NANOS2: variants seen among roughly 807,000 people sequenced by gnomAD.
The protein encoded by NANOS2 is nanos homolog 2.
NANOS2 carries 3 observed loss-of-function variants against 6.4 expected under a neutral mutation model. That is an observed-to-expected ratio of 0.47 (90% CI 0.22 to 1.22). The LOEUF is 1.22. NANOS2 is among the 50% of genes most tolerant of loss of function. The pLI is 0.22. For synonymous variants in NANOS2, 86 were observed against 85.6 expected (o/e 1.00, Z -0.03); for missense variants, 177 against 191.0 (o/e 0.93, Z 0.43).
rs994188700 is a variant in NANOS2, at chr19:45,913,353, C to T, written c.*924G>A. ...CCCTAAAATAAAAGCTAGGCCATTG[C>T]CATTCCCATCCGGGTACTCAAACCC... On this transcript the variant is annotated 3_prime_UTR_variant, in exon 1 of 1. Coordinates refer to ENST00000341294, the MANE Select transcript of NANOS2 (RefSeq NM_001029861.3). 2.0e-5 allele frequency: 3 copies of T among 152,198 alleles called. No individual in the cohort carries two copies. Among genetic ancestry groups the T allele is most frequent in the African/African-American group, 7.2e-5 (3 of 41,450 alleles). The allele number at this position is 152,198 out of a possible 1,614,324, so 9.4% of individuals were successfully genotyped here.
rs1346703405 is a variant in NANOS2, at chr19:45,914,300, C to T, written c.394G>A (p.Ala132Thr). 6.2e-7 allele frequency: 1 copy of T among 1,613,150 alleles called. No homozygotes were observed. Among genetic ancestry groups the T allele is most frequent in the South Asian group, 1.1e-5 (1 of 91,000 alleles). ...SLYRRSGRNS[A>T]GRRVKR ...GCTCAGCGCTTGACCCTGCGTCCGG[C>T]CGAGTTGCGCCCGCTGCGGCGGTAG... The change falls in exon 1 of 1, where the codon GCC becomes ACC. Residue 132 changes from alanine (A) to threonine (T), a missense_variant. By Grantham distance (58) the Ala-to-Thr change is moderately conservative (BLOSUM62 0). Transcript: ENST00000341294.
chr19:45,914,513 T>G lies in NANOS2; in HGVS notation c.181A>C (p.Thr61Pro). Residue 61 changes from threonine (T) to proline (P), a missense_variant, in exon 1 of 1, where the codon ACC becomes CCC. Physicochemically the swap from Thr to Pro is conservative, Grantham distance 38. Coordinates refer to ENST00000341294, the MANE Select transcript of NANOS2 (RefSeq NM_001029861.3). ...TTGTGCTTGCAGAAGTTGCACAGGG[T>G]CCCCAGGCCCCCGTTGGCCCCTGGC... ...GAPGANGGLGTLCNFCKHNGE... is the reference protein window; with the variant it reads ...GAPGANGGLGPLCNFCKHNGE... 1.2e-6 allele frequency: 2 copies of G among 1,613,946 alleles called. No homozygotes were observed. The highest frequency in any genetic ancestry group is 1.7e-6 in the Non-Finnish European group (2 of 1,179,934).
In NANOS2 at chr19:45,914,632, G is replaced by A. The variant is rs771133962; in HGVS notation, c.62C>T (p.Ala21Val). ...DYFNLSQVVWALIASRGQRLE... is the reference protein window; with the variant it reads ...DYFNLSQVVWVLIASRGQRLE... ...CCTTTGACCCCGACTTGCGATCAGC[G>A]CCCACACCACCTGGCTCAGGTTGAA... Residue 21 changes from alanine (A) to valine (V), a missense_variant, in exon 1 of 1, where the codon GCG becomes GTG. Ala to Val is a moderately conservative substitution (Grantham distance 64). Transcript: ENST00000341294. The A allele has an allele frequency of 2.4e-5, 38 of 1,614,062 alleles. No homozygotes were observed. The highest frequency in any genetic ancestry group is 2.7e-5 in the Non-Finnish European group (32 of 1,180,030).
At position 45,913,878 on chromosome 19, in the gene NANOS2, G is replaced by C. The variant is rs1456889750; in HGVS notation, c.*399C>G. On this transcript the variant is annotated 3_prime_UTR_variant, in exon 1 of 1. Transcript: ENST00000341294. ...TCAGTATCTCCTAAGGGCTGGCTTG[G>C]GACAGCACCGTGGAATCCTGGAGGT... 9.4e-6 allele frequency: 2 copies of C among 211,788 alleles called. No homozygotes were observed. The highest frequency in any genetic ancestry group is 1.0e-4 in the Admixed American group (2 of 19,476). 13.1% of individuals were successfully genotyped at this position (211,788 alleles called of 1,614,324 possible).
chr19:45,914,187 AGGGCTGG>A lies in NANOS2; in HGVS notation c.*83_*89del. 1.5e-6 allele frequency: 2 copies of A among 1,303,826 alleles called. No individual in the cohort carries two copies. The highest frequency in any genetic ancestry group is 2.1e-6 in the Non-Finnish European group (2 of 961,518). The allele number at this position is 1,303,826 out of a possible 1,614,324, so 80.8% of individuals were successfully genotyped here. ...GAGTTCTGGGGGCCAGAAATTCCAA[AGGGCTGG>A]GTGACTGGAAGAGAGAGTTTAGGGA... On this transcript the variant is annotated 3_prime_UTR_variant, in exon 1 of 1. Coordinates refer to ENST00000341294, the MANE Select transcript of NANOS2 (RefSeq NM_001029861.3).
chr19:45,913,870 C>T lies in NANOS2; in HGVS notation c.*407G>A, dbSNP rs1967439862. 1.0e-5 allele frequency: 2 copies of T among 191,116 alleles called. No homozygotes were observed. The highest frequency in any genetic ancestry group is 2.2e-5 in the Non-Finnish European group (2 of 92,054). 11.8% of individuals were successfully genotyped at this position (191,116 alleles called of 1,614,324 possible). On this transcript the variant is annotated 3_prime_UTR_variant, in exon 1 of 1. Coordinates refer to ENST00000341294, the MANE Select transcript of NANOS2 (RefSeq NM_001029861.3). ...AGCCTTGTTCAGTATCTCCTAAGGGCTGGCTTGGGACAGCACCGTGGAATC... is the reference window on the plus strand; with the variant it reads ...AGCCTTGTTCAGTATCTCCTAAGGGTTGGCTTGGGACAGCACCGTGGAATC...
Position 45,914,117 on chromosome 19 carries a change from C to G in NANOS2, c.*160G>C, listed in dbSNP as rs888695431. On this transcript the variant is annotated 3_prime_UTR_variant, in exon 1 of 1. Transcript: ENST00000341294. ...GACAGGTCCAAGGGGGCGGGGCTGGCCTGGCTCCCAGCAGCCTCCACTGTT... is the reference window on the plus strand; with the variant it reads ...GACAGGTCCAAGGGGGCGGGGCTGGGCTGGCTCCCAGCAGCCTCCACTGTT... 8 of 753,898 alleles carry G rather than the reference C, an allele frequency of 1.1e-5. No individual in the cohort carries two copies. The highest frequency in any genetic ancestry group is 3.5e-5 in the African/African-American group (2 of 56,716). 46.7% of individuals were successfully genotyped at this position (753,898 alleles called of 1,614,324 possible).
Position 45,914,092 on chromosome 19 carries a change from G to T in NANOS2, c.*185C>A. 1 of 649,618 alleles carries T rather than the reference G, an allele frequency of 1.5e-6. No individual in the cohort carries two copies. The highest frequency in any genetic ancestry group is 2.7e-5 in the East Asian group (1 of 36,422). 40.2% of individuals were successfully genotyped at this position (649,618 alleles called of 1,614,324 possible). On this transcript the variant is annotated 3_prime_UTR_variant, in exon 1 of 1. Coordinates refer to ENST00000341294, the MANE Select transcript of NANOS2 (RefSeq NM_001029861.3). Reference sequence around the variant, plus strand: ...CCCACAGGCCAGAGCTCCGAGGGCTGACAGGTCCAAGGGGGCGGGGCTGGC... The same window carrying T: ...CCCACAGGCCAGAGCTCCGAGGGCTTACAGGTCCAAGGGGGCGGGGCTGGC...
Position 45,914,415 on chromosome 19 carries a change from C to T in NANOS2, c.279G>A (p.Leu93=), listed in dbSNP as rs533467131. 6.2e-7 allele frequency: 1 copy of T among 1,614,202 alleles called. No homozygotes were observed. Among genetic ancestry groups the T allele is most frequent in the South Asian group, 1.1e-5 (1 of 91,092 alleles). ...CGCACACGGGACACACGTAGTGCCT[C>T]AGGATGGGACACACCACCACGCCAT... The part of the protein sequence containing the change: ...TPDGVVVCPI[L]RHYVCPVCGA... The change falls in exon 1 of 1, where the codon CTG becomes CTA. Residue 93 remains leucine, a synonymous_variant. Transcript: ENST00000341294.
chr19:45,914,256 G>A lies in NANOS2; in HGVS notation c.*21C>T. 1.9e-6 allele frequency: 3 copies of A among 1,595,980 alleles called. No individual in the cohort carries two copies. Among genetic ancestry groups the A allele is most frequent in the Non-Finnish European group, 2.6e-6 (3 of 1,169,596 alleles). On this transcript the variant is annotated 3_prime_UTR_variant, in exon 1 of 1. Transcript: ENST00000341294. ...TGGACCAGGAGGGTCAGGGGTGCGG[G>A]TGGTGAGCATCTCACGATGCTCAGC... is the stretch of plus-strand genomic sequence containing the variant.
rs1967443176 is a variant in NANOS2 at position 45,914,190 on chromosome 19, GC to G, written c.*86del. The G allele has an allele frequency of 7.6e-6, 10 of 1,322,508 alleles. No individual in the cohort carries two copies. The highest frequency in any genetic ancestry group is 9.3e-6 in the Non-Finnish European group (9 of 971,462). The allele number at this position is 1,322,508 out of a possible 1,614,324, so 81.9% of individuals were successfully genotyped here. ...TTCTGGGGGCCAGAAATTCCAAAGG[GC>G]TGGGTGACTGGAAGAGAGAGTTTAG... On this transcript the variant is annotated 3_prime_UTR_variant, in exon 1 of 1. Transcript: ENST00000341294.
At position 45,914,442 on chromosome 19, in the gene NANOS2, C is replaced by T. The variant is rs772441717; in HGVS notation, c.252G>A (p.Pro84=). The change falls in exon 1 of 1, where the codon CCG becomes CCA. Residue 84 remains proline, a synonymous_variant. Coordinates refer to ENST00000341294, the MANE Select transcript of NANOS2 (RefSeq NM_001029861.3). ...HVYSSHQLKT[P]DGVVVCPILR... Reference sequence around the variant, plus strand: ...GGATGGGACACACCACCACGCCATCCGGTGTCTTCAGCTGGTGTGAGGAGT... The same window carrying T: ...GGATGGGACACACCACCACGCCATCTGGTGTCTTCAGCTGGTGTGAGGAGT... The T allele has an allele frequency of 1.1e-5, 18 of 1,614,054 alleles. No homozygotes were observed. Among genetic ancestry groups the T allele is most frequent in the Non-Finnish European group, 1.5e-5 (18 of 1,180,018 alleles).
chr19:45,914,641 A>G lies in NANOS2; in HGVS notation c.53T>C (p.Val18Ala), dbSNP rs1967451195. ...CCGACTTGCGATCAGCGCCCACACC[A>G]CCTGGCTCAGGTTGAAGTAGTCCTT... is the stretch of plus-strand genomic sequence containing the variant. ...MWKDYFNLSQVVWALIASRGQ... is the reference protein window; with the variant it reads ...MWKDYFNLSQAVWALIASRGQ... Residue 18 changes from valine (V) to alanine (A), a missense_variant, in exon 1 of 1, where the codon GTG (valine) becomes GCG (alanine). Physicochemically the swap from Val to Ala is moderately conservative, Grantham distance 64. Transcript: ENST00000341294. The G allele has an allele frequency of 3.1e-6, 5 of 1,614,088 alleles. No individual in the cohort carries two copies. The East Asian group carries it at 1.1e-4, about 36-fold the overall frequency.
Position 45,913,997 on chromosome 19 carries a change from C to T in NANOS2, c.*280G>A. The T allele has an allele frequency of 2.2e-6, 1 of 456,578 alleles. No homozygotes were observed. The highest frequency in any genetic ancestry group is 3.4e-5 in the East Asian group (1 of 29,622). 28.3% of individuals were successfully genotyped at this position (456,578 alleles called of 1,614,324 possible). On this transcript the variant is annotated 3_prime_UTR_variant, in exon 1 of 1. Coordinates refer to ENST00000341294, the MANE Select transcript of NANOS2 (RefSeq NM_001029861.3). ...CCACGAGGACAAAAGATCCATGAAC[C>T]GGGGCCCAGAGGGCGCTACAGGGCC...
At position 45,914,352 on chromosome 19, in the gene NANOS2, G is replaced by A. The variant is rs746290037; in HGVS notation, c.342C>T (p.Cys114=). 2.4e-5 allele frequency: 38 copies of A among 1,613,892 alleles called. No homozygotes were observed. In the East Asian group the frequency reaches 8.0e-4, roughly 34 times the overall value. The change falls in exon 1 of 1, where the codon TGC becomes TGT. Residue 114 remains cysteine (C), a synonymous_variant. Coordinates refer to ENST00000341294, the MANE Select transcript of NANOS2 (RefSeq NM_001029861.3). ...TGDQAHTLKY[C]PLNGGQQSLY... is the part of the protein sequence containing the mutation. ...GGGACTGCTGGCCACCGTTAAGCGG[G>A]CAGTACTTGAGCGTATGGGCCTGGT...
At position 45,914,235 on chromosome 19, in the gene NANOS2, C is replaced by A; in HGVS notation, c.*42G>T. 1 of 1,563,678 alleles carries A rather than the reference C, an allele frequency of 6.4e-7. No individual in the cohort carries two copies. The highest frequency in any genetic ancestry group is 1.2e-5 in the South Asian group (1 of 83,886). On this transcript the variant is annotated 3_prime_UTR_variant, in exon 1 of 1. Coordinates refer to ENST00000341294, the MANE Select transcript of NANOS2 (RefSeq NM_001029861.3). ...AGTTTAGGGACTTGGGTGGGATGGA[C>A]CAGGAGGGTCAGGGGTGCGGGTGGT...
Position 45,914,711 on chromosome 19 carries a change from G to C in NANOS2, c.-18C>G. ...AGCTGCATGGCACCAAAGCAGGGGT[G>C]GTGGGCCACAGGAGAGGGGCTGGGG... On this transcript the variant is annotated 5_prime_UTR_variant, in exon 1 of 1. Coordinates refer to ENST00000341294, the MANE Select transcript of NANOS2 (RefSeq NM_001029861.3). The C allele has an allele frequency of 1.3e-6, 2 of 1,596,048 alleles. No individual in the cohort carries two copies. The highest frequency in any genetic ancestry group is 1.7e-6 in the Non-Finnish European group (2 of 1,169,298).
In NANOS2 at chr19:45,914,549, C is replaced by G. The variant is rs760458885; in HGVS notation, c.145G>C (p.Gly49Arg). 6.2e-7 allele frequency: 1 copy of G among 1,614,178 alleles called. No homozygotes were observed. The highest frequency in any genetic ancestry group is 2.2e-5 in the East Asian group (1 of 44,878). Residue 49 changes from glycine to arginine, a missense_variant, in exon 1 of 1, where the codon GGG becomes CGG. Transcript: ENST00000341294. ...CCGTTGGCCCCTGGCGCCCCCAGCCCCTGATCCTGCCCCAGCGGAGGCCCG... is the reference window on the plus strand; with the variant it reads ...CCGTTGGCCCCTGGCGCCCCCAGCCGCTGATCCTGCCCCAGCGGAGGCCCG... ...SPGPPLGQDQ[G>R]LGAPGANGGL...
chr19:45,914,225 G>A lies in NANOS2; in HGVS notation c.*52C>T. The A allele has an allele frequency of 6.6e-7, 1 of 1,522,586 alleles. No individual in the cohort carries two copies. Among genetic ancestry groups the A allele is most frequent in the Admixed American group, 1.9e-5 (1 of 52,430 alleles). 94.3% of individuals were successfully genotyped at this position (1,522,586 alleles called of 1,614,324 possible). ...TGGAAGAGAGAGTTTAGGGACTTGG[G>A]TGGGATGGACCAGGAGGGTCAGGGG... On this transcript the variant is annotated 3_prime_UTR_variant, in exon 1 of 1. Transcript: ENST00000341294.
Sources: allele counts gnomAD v4.1 joint callset, GRCh38; gene constraint gnomAD v4.1.1; transcripts MANE v1.5; gene names NCBI Gene and HGNC (gene_info 2026-07-23, HGNC 2026-07-21).